ATAT1: variants seen among roughly 807,000 people sequenced by gnomAD.
ATAT1 encodes the protein alpha-tubulin N-acetyltransferase 1.
A neutral mutation model predicts 57.2 loss-of-function variants in ATAT1; 42 were observed. The observed-to-expected ratio is 0.73, with a 90% CI of 0.57 to 0.95. ATAT1 has a LOEUF of 0.95. ATAT1 is among the 40% of genes least tolerant of loss of function. The probability of loss-of-function intolerance (pLI) is 0.00; values close to 1 mark genes in which losing one functional copy is unlikely to be tolerated. For synonymous variants in ATAT1, 168 were observed against 187.1 expected (o/e 0.90, Z 0.83); for missense variants, 454 against 523.7 (o/e 0.87, Z 1.30).
intron 3 of ATAT1, 34 bp from the exon 4 acceptor site, chr6:30,627,817 C>T: frequency 6.2e-7 from 1 of 1,609,526 alleles, no homozygotes. Context: ...AGATAGATAC[C>T]ACTAGCCTGT....
At chr6:30,644,356 T>C in intron 10 of ATAT1, 1 of 985,870 alleles carries the variant, frequency 1.0e-6, no homozygotes, top group Non-Finnish European at 1.2e-6. Context: ...TAGGTCCCGA[T>C]ATACTCCTGT....
chr6:30,643,066 A>C, intron 10 of ATAT1, 55 bp downstream of exon 10: 1 of 1,546,624 alleles, frequency 6.5e-7, no homozygotes, highest in Non-Finnish European at 8.7e-7. Context: ...GGATGTTAGA[A>C]ATGGCAAAGG....
chr6:30,636,757 T>C (rs895033670), intron 6 of ATAT1, among the ~76,000 whole-genome samples: 1 of 151,988 alleles, frequency 6.6e-6, no homozygotes, highest in Admixed American at 6.6e-5. Flanking sequence ...TCCTACAGTA[T>C]ATTTTTCCAT....
Position 30,638,439 on chromosome 6 carries a change from C to T in ATAT1, c.502-1938C>T, listed in dbSNP as rs1229575359. 3.3e-5 allele frequency among the ~76,000 whole-genome samples: 5 copies of T among 152,086 alleles called. No individual in the cohort carries two copies. The South Asian group carries it at 1.0e-3, about 32-fold the overall frequency. Reference sequence around the variant, plus strand: ...TCCTGAGTAGCTAGGATTACAGGCGCACGTCACCACACCCAGCTAATTTTT... The same window carrying T: ...TCCTGAGTAGCTAGGATTACAGGCGTACGTCACCACACCCAGCTAATTTTT... On this transcript the variant is annotated intron_variant, in intron 6 of 12. Coordinates refer to ENST00000330083, the MANE Select transcript of ATAT1 (RefSeq NM_001031722.4).
chr6:30,639,979 T>TA (rs1441853860), intron 6 of ATAT1, among the ~76,000 whole-genome samples: 3 of 150,826 alleles, frequency 2.0e-5, no homozygotes, highest in South Asian at 2.1e-4. Flanking sequence ...TACAAAAAGT[T>TA]AAAAAAAAAT....
At chr6:30,629,862 A>G (rs1012747133) in intron 6 of ATAT1, among the ~76,000 whole-genome samples, 1 of 152,088 alleles carries the variant, frequency 6.6e-6, no homozygotes, top group Non-Finnish European at 1.5e-5. Context: ...CTAATTTTCA[A>G]CCCAAACATA....
chr6:30,643,932 G>A, intron 10 of ATAT1: 1 of 1,109,220 alleles, frequency 9.0e-7, no homozygotes, highest in South Asian at 4.0e-5. Flanking sequence ...TCCTGTGCCA[G>A]GGAAACTTTT....
intron 6 of ATAT1, among the ~76,000 whole-genome samples, chr6:30,635,782 C>T (rs762648619): frequency 4.6e-5 from 7 of 151,998 alleles, no homozygotes; most frequent in South Asian, 2.1e-4. Flanking sequence ...TTTGGTGCAG[C>T]GGTGTTTGGA....
intron 10 of ATAT1, chr6:30,643,838 G>C: frequency 7.6e-7 from 1 of 1,317,018 alleles, no homozygotes; most frequent in Non-Finnish European, 9.7e-7. Context: ...CAGACTTCTT[G>C]GTTAGATGGC....
chr6:30,638,278 A>G (rs1450634235), intron 6 of ATAT1, among the ~76,000 whole-genome samples: 5 of 151,752 alleles, frequency 3.3e-5, no homozygotes, highest in Non-Finnish European at 5.9e-5. Context: ...CACATGAGCC[A>G]CCATGCCCAG....
At position 30,627,629 on chromosome 6, in the gene ATAT1, C is replaced by T. The variant is rs1335364235; in HGVS notation, c.133-7C>T. On this transcript the variant is annotated splice_polypyrimidine_tract_variant and splice_region_variant and intron_variant, in intron 2 of 12. Transcript: ENST00000330083. The stretch of plus-strand genomic sequence containing the variant: ...TTGCAGAAAGTCTGACTTAATCTTC[C>T]CTGCAGGCCCAGAATCTTTCCGCTC... 3 of 1,612,752 alleles carry T rather than the reference C, an allele frequency of 1.9e-6. No homozygotes were observed. Among genetic ancestry groups the T allele is most frequent in the Non-Finnish European group, 2.5e-6 (3 of 1,179,796 alleles).
At chr6:30,627,826 G>A in intron 3 of ATAT1, 25 bp from the exon 4 acceptor site, 1 of 1,611,890 alleles carries the variant, frequency 6.2e-7, no homozygotes, top group Non-Finnish European at 8.5e-7. Flanking sequence ...CCACTAGCCT[G>A]TTCATTATTT....
At chr6:30,641,545 G>A (rs1051211375) in intron 8 of ATAT1, among the ~76,000 whole-genome samples, 3 of 152,130 alleles carry the variant, frequency 2.0e-5, no homozygotes, top group South Asian at 2.1e-4. Flanking sequence ...AGGGAAAGCC[G>A]GGAGCAAGTA....
chr6:30,627,431 C>T, intron 1 of ATAT1, 29 bp from the exon 2 acceptor site: 1 of 1,608,416 alleles, frequency 6.2e-7, no homozygotes, highest in Non-Finnish European at 8.5e-7. Flanking sequence ...TAGTGAGTAT[C>T]TGACTCTTTA....
Position 30,632,484 on chromosome 6 carries a change from A to C in ATAT1, c.501+4054A>C, listed in dbSNP as rs533169879. ...CTACTTGGGAGGCTGAGATAGAAGA[A>C]TCGCTTGAACCTGGGAGGCAGAGGT... is the stretch of plus-strand genomic sequence containing the variant. On this transcript the variant is annotated intron_variant, in intron 6 of 12. Coordinates refer to ENST00000330083, the MANE Select transcript of ATAT1 (RefSeq NM_001031722.4). Among the ~76,000 whole-genome samples, 140 of 151,996 alleles carry C rather than the reference A, an allele frequency of 9.2e-4. 1 individual carries two copies. Among genetic ancestry groups the C allele is most frequent in the African/African-American group, 2.8e-3 (115 of 41,460 alleles).
intron 6 of ATAT1, among the ~76,000 whole-genome samples, chr6:30,630,015 C>G (rs1040058063): frequency 2.0e-5 from 3 of 152,192 alleles, no homozygotes; most frequent in Admixed American, 2.0e-4. Flanking sequence ...TTGTTTATAA[C>G]TAAGTGCAGC....
At chr6:30,639,124 G>A (rs1185130740) in intron 6 of ATAT1, among the ~76,000 whole-genome samples, 2 of 152,068 alleles carry the variant, frequency 1.3e-5, no homozygotes, top group Non-Finnish European at 2.9e-5. Flanking sequence ...AGGATTACAG[G>A]TGCACACTGC....
In ATAT1 at chr6:30,642,213, A is replaced by G. The variant is rs1765596186; in HGVS notation, c.654A>G (p.Gly218=). The G allele has an allele frequency of 6.2e-7, 1 of 1,614,088 alleles. No individual in the cohort carries two copies. The highest frequency in any genetic ancestry group is 8.5e-7 in the Non-Finnish European group (1 of 1,180,026). ...AGCTGCCACCCAAGAGAGCAGAGGG[A>G]GACATCAAGCCATACTCCTCTAGTG... is the stretch of plus-strand genomic sequence containing the variant. The change falls in exon 9 of 13, where the codon GGA becomes GGG. Residue 218 remains glycine (G), a synonymous_variant. Transcript: ENST00000330083.
At chr6:30,643,125 G>GC in intron 10 of ATAT1, 114 bp downstream of exon 10, 1 of 1,512,454 alleles carries the variant, frequency 6.6e-7, no homozygotes, top group Admixed American at 2.3e-5. Flanking sequence ...GGTGGCTTGG[G>GC]GGGGGTCCTG....
Sources: allele counts gnomAD v4.1 joint callset (sites outside exome capture counted in the v4.1 genomes callset), GRCh38; gene constraint gnomAD v4.1.1; transcripts MANE v1.5; gene names NCBI Gene and HGNC (gene_info 2026-07-23, HGNC 2026-07-21).